The following CEP128 variants were observed in gnomAD, a reference collection of about 807,000 sequenced individuals.
The protein encoded by CEP128 is centrosomal protein 128kDa.
In CEP128, 132 loss-of-function variants were observed where a neutral mutation model predicts 156.7. That is an observed-to-expected ratio of 0.84 (90% CI 0.73 to 0.97). The LOEUF is 0.97. Among genes scored for constraint, CEP128 ranks in the 50% least tolerant of loss-of-function variants. The probability of loss-of-function intolerance (pLI) is 0.00; values close to 1 mark genes in which losing one functional copy is unlikely to be tolerated. For synonymous variants in CEP128, 469 were observed against 448.9 expected (o/e 1.04, Z -0.57); for missense variants, 1,252 against 1,281.9 (o/e 0.98, Z 0.36).
chr14:80,675,493 G>C (rs1038971090), intron 19 of CEP128, among the ~76,000 whole-genome samples: 1 of 151,954 alleles, frequency 6.6e-6, no homozygotes, highest in East Asian at 1.9e-4. Context: ...GTAAAAATGG[G>C]ATTTTATTGA....
chr14:80,595,977 A>G (rs1595063243), intron 19 of CEP128, among the ~76,000 whole-genome samples: 1 of 151,828 alleles, frequency 6.6e-6, no homozygotes, highest in East Asian at 1.9e-4. Flanking sequence ...TGTCCCTCCC[A>G]GAACAAATGG....
intron 19 of CEP128, among the ~76,000 whole-genome samples, chr14:80,607,016 T>C (rs575894704): frequency 1.3e-5 from 2 of 151,566 alleles, no homozygotes; most frequent in Non-Finnish European, 2.9e-5. Context: ...AATACATATA[T>C]TTATATAACA....
At chr14:80,932,940 G>A (rs1479152018) in intron 2 of CEP128, among the ~76,000 whole-genome samples, 3 of 151,988 alleles carry the variant, frequency 2.0e-5, no homozygotes, top group Non-Finnish European at 4.4e-5. Context: ...CAGAAGGAAG[G>A]CGCTTCTCTT....
At chr14:80,665,517 T>G (rs1199338620) in intron 19 of CEP128, among the ~76,000 whole-genome samples, 2 of 152,204 alleles carry the variant, frequency 1.3e-5, no homozygotes, top group Non-Finnish European at 2.9e-5. Flanking sequence ...CACATACATT[T>G]TTAGCCTTAT....
chr14:80,821,634 CACACACACAT>C (rs1196906017), intron 13 of CEP128, among the ~76,000 whole-genome samples: 12 of 150,120 alleles, frequency 8.0e-5, no homozygotes, highest in African/African-American at 2.4e-4. Flanking sequence ...CACACACACA[CACACACACAT>C]GCACACAAAG....
chr14:80,538,605 C>G (rs1012071512), intron 21 of CEP128, among the ~76,000 whole-genome samples: 3 of 152,154 alleles, frequency 2.0e-5, no homozygotes, highest in South Asian at 2.1e-4. Context: ...TCTGTCTATC[C>G]TTCGATCCAA....
intron 3 of CEP128, 148 bp downstream of exon 3, chr14:80,916,253 A>G: frequency 1.5e-6 from 1 of 651,550 alleles, no homozygotes; most frequent in South Asian, 2.0e-5. Context: ...CTGATGTACA[A>G]GACCTTAAGA....
chr14:80,745,796 GA>G (rs1330667005), intron 18 of CEP128, among the ~76,000 whole-genome samples: 1 of 151,922 alleles, frequency 6.6e-6, no homozygotes, highest in Non-Finnish European at 1.5e-5. Flanking sequence ...TATCCAGATT[GA>G]AAAGGAAGAA....
At chr14:80,596,615 C>A (rs940716131) in intron 19 of CEP128, among the ~76,000 whole-genome samples, 3 of 151,482 alleles carry the variant, frequency 2.0e-5, no homozygotes, top group African/African-American at 4.9e-5. Context: ...TTGAGACCAG[C>A]CTGGGAAACA....
chr14:80,647,727 T>C (rs1286497995), intron 19 of CEP128, among the ~76,000 whole-genome samples: 2 of 152,044 alleles, frequency 1.3e-5, no homozygotes, highest in Non-Finnish European at 2.9e-5. Context: ...ACGTGCAGTA[T>C]AGCCCCACAA....
At position 80,497,559 on chromosome 14, in the gene CEP128, G is replaced by C; in HGVS notation, c.3205C>G (p.Pro1069Ala). ...VNSFTKRTVAPDSASNKEDAT... is the reference protein window; with the variant it reads ...VNSFTKRTVAADSASNKEDAT... ...TCTTCCTTGTTTGAAGCTGAATCTGGAGCAACAGTTCTTTTGGTAAATGCT... is the reference window on the plus strand; with the variant it reads ...TCTTCCTTGTTTGAAGCTGAATCTGCAGCAACAGTTCTTTTGGTAAATGCT... The change falls in exon 25 of 25, where the codon CCA (proline) becomes GCA (alanine). Residue 1069 changes from proline to alanine, a missense_variant. Transcript: ENST00000555265. 6.2e-7 allele frequency: 1 copy of C among 1,612,720 alleles called. No individual in the cohort carries two copies. The highest frequency in any genetic ancestry group is 8.5e-7 in the Non-Finnish European group (1 of 1,179,226).
At chr14:80,676,541 T>C (rs992524190) in intron 19 of CEP128, among the ~76,000 whole-genome samples, 2 of 152,140 alleles carry the variant, frequency 1.3e-5, no homozygotes, top group African/African-American at 4.8e-5. Context: ...CATCTTAGTT[T>C]ATTGCACTAG....
chr14:80,718,278 A>G (rs958511543), intron 19 of CEP128, among the ~76,000 whole-genome samples: 5 of 152,230 alleles, frequency 3.3e-5, no homozygotes, highest in Non-Finnish European at 5.9e-5. Flanking sequence ...ATGATTTCAC[A>G]TTATAGGTAT....
chr14:80,921,926 G>A (rs955508288), intron 2 of CEP128, among the ~76,000 whole-genome samples: 88 of 122,748 alleles, frequency 7.2e-4, no homozygotes, highest in African/African-American at 2.8e-3. Flanking sequence ...TCACGCCACT[G>A]CACTCCAGCT....
chr14:80,574,644 C>T (rs1474302081), intron 20 of CEP128, among the ~76,000 whole-genome samples: 1 of 152,066 alleles, frequency 6.6e-6, no homozygotes, highest in Non-Finnish European at 1.5e-5. Flanking sequence ...ATTATAACAC[C>T]CTAATATTAA....
intron 18 of CEP128, among the ~76,000 whole-genome samples, chr14:80,752,235 A>T (rs905776049): frequency 1.3e-5 from 2 of 152,224 alleles, no homozygotes; most frequent in Non-Finnish European, 2.9e-5. Flanking sequence ...ATTTTGAAAG[A>T]AAATGTTTGT....
At chr14:80,688,970 G>A (rs1443420809) in intron 19 of CEP128, among the ~76,000 whole-genome samples, 1 of 152,084 alleles carries the variant, frequency 6.6e-6, no homozygotes, top group Non-Finnish European at 1.5e-5. Context: ...AAATAGTTAA[G>A]TTTTTCTAAG....
chr14:80,792,901 C>T lies in CEP128; in HGVS notation c.1419G>A (p.Glu473=), dbSNP rs1362157855. The T allele has an allele frequency of 6.2e-7, 1 of 1,614,194 alleles. No homozygotes were observed. Among genetic ancestry groups the T allele is most frequent in the African/African-American group, 1.3e-5 (1 of 75,060 alleles). ...GGTCTTCCCTCCTCTTCTCCGCCTC[C>T]TCTTTCAGAGCCTCTGACTGCTGGA... ...SELQQSEALK[E]EAEKRREDLK... The change falls in exon 14 of 25, where the codon GAG becomes GAA. Residue 473 remains glutamate (E), a synonymous_variant. Transcript: ENST00000555265.
chr14:80,846,155 C>G (rs1236397510), intron 9 of CEP128, among the ~76,000 whole-genome samples: 1 of 151,990 alleles, frequency 6.6e-6, no homozygotes, highest in East Asian at 1.9e-4. Context: ...GTACACATAG[C>G]AAAGTAAAAG....
Sources: gnomAD v4.1 joint callset for allele counts (sites outside exome capture counted in the v4.1 genomes callset) on GRCh38, gnomAD v4.1.1 for gene constraint, MANE v1.5 for transcripts, NCBI Gene and HGNC (gene_info 2026-07-23, HGNC 2026-07-21) for gene names.